AFF3: variants seen among roughly 807,000 people sequenced by gnomAD.
The protein encoded by AFF3 is ALF transcription elongation factor 3, also known as AF4/FMR2 family member 3.
AFF3 carries 32 observed loss-of-function variants against 129.7 expected under a neutral mutation model. The observed-to-expected ratio is 0.25, with a 90% CI of 0.19 to 0.33. AFF3 has a LOEUF of 0.33. Ranked by LOEUF, AFF3 falls within the 10% of genes least tolerant of loss-of-function variation. The probability of loss-of-function intolerance (pLI) is 1.00; values close to 1 mark genes in which losing one functional copy is unlikely to be tolerated. For synonymous variants in AFF3, 644 were observed against 635.4 expected (o/e 1.01, Z -0.20); for missense variants, 1,373 against 1,592.0 (o/e 0.86, Z 2.34).
At chr2:99,744,063 C>G in intron 10 of AFF3, 41 bp downstream of exon 10, 3 of 1,573,336 alleles carry the variant, frequency 1.9e-6, no homozygotes, top group Non-Finnish European at 2.6e-6. Context: ...GCCCCCACCC[C>G]CTGCTCCCCA....
At chr2:99,788,976 C>CATAT (rs1218382173) in intron 8 of AFF3, among the ~76,000 whole-genome samples, 1 of 152,102 alleles carries the variant, frequency 6.6e-6, no homozygotes, top group Non-Finnish European at 1.5e-5. Context: ...CAGACCATAC[C>CATAT]ATATAGCTTG....
At chr2:99,618,862 C>T (rs1381896957) in intron 13 of AFF3, among the ~76,000 whole-genome samples, 1 of 152,014 alleles carries the variant, frequency 6.6e-6, no homozygotes, top group Non-Finnish European at 1.5e-5. Flanking sequence ...AACCTGGCTG[C>T]TTCAGTGCAA....
At chr2:100,009,557 G>C (rs1023562121) in intron 4 of AFF3, among the ~76,000 whole-genome samples, 3 of 152,106 alleles carry the variant, frequency 2.0e-5, no homozygotes, top group Non-Finnish European at 4.4e-5. Flanking sequence ...CAGGAGGAAG[G>C]GGTGCAGGCA....
chr2:100,094,541 T>C (rs138182036), intron 4 of AFF3, among the ~76,000 whole-genome samples: 1,892 of 152,050 alleles, frequency 0.012, 42 homozygotes, highest in African/African-American at 0.043. Context: ...GAAGCTTCTC[T>C]TGCTCGCCAT....
intron 7 of AFF3, among the ~76,000 whole-genome samples, chr2:99,957,673 A>G (rs886488742): frequency 5.9e-5 from 9 of 152,230 alleles, no homozygotes; most frequent in African/African-American, 2.2e-4. Flanking sequence ...TGTGACAGAC[A>G]ATAAACCACT....
intron 8 of AFF3, among the ~76,000 whole-genome samples, chr2:99,826,941 G>C (rs1214714940): frequency 1.3e-5 from 2 of 152,084 alleles, no homozygotes; most frequent in Non-Finnish European, 2.9e-5. Flanking sequence ...TGGAGGTAAA[G>C]AGAAGTGGAC....
At chr2:99,582,730 A>G in intron 17 of AFF3, 68 bp downstream of exon 17, 2 of 1,533,640 alleles carry the variant, frequency 1.3e-6, no homozygotes, top group Non-Finnish European at 1.8e-6. Flanking sequence ...GTGCTAGGTT[A>G]GAGACAGAGC....
chr2:100,106,334 G>A, intron 2 of AFF3: 4 of 1,156,862 alleles, frequency 3.5e-6, no homozygotes, highest in Non-Finnish European at 3.2e-6. Context: ...GTAGCAAGTA[G>A]CAAGAAGATT....
At chr2:99,618,221 A>ATTT (rs1681632191) in intron 13 of AFF3, among the ~76,000 whole-genome samples, 8 of 103,470 alleles carry the variant, frequency 7.7e-5, no homozygotes, top group Admixed American at 2.2e-4. Context: ...TGCTCATAAC[A>ATTT]TTCTTTTTTT....
chr2:100,074,768 G>C (rs1303754102), intron 4 of AFF3, among the ~76,000 whole-genome samples: 1 of 152,150 alleles, frequency 6.6e-6, no homozygotes, highest in Non-Finnish European at 1.5e-5. Context: ...TCAACACCCA[G>C]TTAGAGATAA....
intron 7 of AFF3, among the ~76,000 whole-genome samples, chr2:99,956,238 G>A (rs1284414246): frequency 6.6e-6 from 1 of 151,984 alleles, no homozygotes; most frequent in Non-Finnish European, 1.5e-5. Flanking sequence ...AGAACCAACT[G>A]ATATGTGTCT....
At chr2:99,915,035 G>T (rs1008333878) in intron 7 of AFF3, among the ~76,000 whole-genome samples, 1 of 152,138 alleles carries the variant, frequency 6.6e-6, no homozygotes, top group Non-Finnish European at 1.5e-5. Context: ...GATCAGGCAG[G>T]GTAGGGCAGG....
intron 13 of AFF3, among the ~76,000 whole-genome samples, chr2:99,637,514 C>T (rs893329395): frequency 4.6e-5 from 7 of 152,044 alleles, no homozygotes; most frequent in South Asian, 2.1e-4. Flanking sequence ...AGAATGGGGA[C>T]GACATATGCA....
At chr2:99,735,380 C>T (rs1376181921) in intron 10 of AFF3, among the ~76,000 whole-genome samples, 1 of 150,190 alleles carries the variant, frequency 6.7e-6, no homozygotes, top group East Asian at 2.0e-4. Flanking sequence ...TTAATTTCTG[C>T]TTTTGTTTTT....
At chr2:99,737,191 A>G (rs1680330837) in intron 10 of AFF3, among the ~76,000 whole-genome samples, 1 of 152,110 alleles carries the variant, frequency 6.6e-6, no homozygotes, top group Non-Finnish European at 1.5e-5. Flanking sequence ...TTAATTCCAC[A>G]TTCTCATCTT....
intron 4 of AFF3, among the ~76,000 whole-genome samples, chr2:100,010,729 G>C (rs1682451488): frequency 6.6e-6 from 1 of 152,084 alleles, no homozygotes; most frequent in African/African-American, 2.4e-5. Flanking sequence ...CAGGAGATGG[G>C]AAAGACACTC....
At chr2:99,592,822 G>C (rs1049799693) in intron 15 of AFF3, among the ~76,000 whole-genome samples, 1 of 151,964 alleles carries the variant, frequency 6.6e-6, no homozygotes. Flanking sequence ...TGTAATCCCA[G>C]ATACTTGGGA....
At chr2:99,754,063 G>A (rs932894381) in intron 8 of AFF3, among the ~76,000 whole-genome samples, 6 of 152,148 alleles carry the variant, frequency 3.9e-5, no homozygotes, top group Admixed American at 3.9e-4. Context: ...GTTACTACCC[G>A]ATTAAGAAAG....
intron 12 of AFF3, among the ~76,000 whole-genome samples, chr2:99,670,208 G>A (rs1363918317): frequency 6.6e-6 from 1 of 152,158 alleles, no homozygotes; most frequent in Non-Finnish European, 1.5e-5. Context: ...CAAAGGCAAT[G>A]GGGAGAAAAG....
Sources: gnomAD v4.1 joint callset for allele counts (sites outside exome capture counted in the v4.1 genomes callset) on GRCh38, gnomAD v4.1.1 for gene constraint, MANE v1.5 for transcripts, NCBI Gene and HGNC (gene_info 2026-07-23, HGNC 2026-07-21) for gene names.